Variants in NEMP2 observed in about 807,000 individuals in gnomAD.
NEMP2 encodes the protein nuclear envelope integral membrane protein 2.
NEMP2 carries 53 observed loss-of-function variants against 54.2 expected under a neutral mutation model. The observed-to-expected ratio is 0.98, with a 90% CI of 0.78 to 1.23. The LOEUF (loss-of-function observed/expected upper bound fraction) is 1.23, where lower values mean the gene tolerates loss of function less well. Among genes scored for constraint, NEMP2 ranks in the 50% most tolerant of loss-of-function variants. The pLI is 0.00. For synonymous variants in NEMP2, 197 were observed against 190.3 expected, an observed-to-expected ratio of 1.04 and a Z score of -0.29; for missense variants, 455 against 511.3, an observed-to-expected ratio of 0.89 and a Z score of 1.06.
At position 190,513,273 on chromosome 2, in the gene NEMP2, G is replaced by A. The variant is rs753529398; in HGVS notation, c.953+1180C>T. On this transcript the variant is annotated intron_variant, in intron 7 of 8. Transcript: ENST00000409150. This position sits in a 1 kb window ranked among gnomAD's most constrained non-coding sequence, Gnocchi z 5.3. ...AATCCTGAGATTTCACATTCTAATC[G>A]TAATTCCCATTTCCAATTTTTCTAG... Among the ~76,000 whole-genome samples, 1 of 151,984 alleles carries A rather than the reference G, an allele frequency of 6.6e-6. No individual in the cohort carries two copies. The highest frequency in any genetic ancestry group is 1.5e-5 in the Non-Finnish European group (1 of 68,004).
At chr2:190,629,545 C>A in the NEMP2 span, among the ~76,000 whole-genome samples, 3 of 151,992 alleles carry the variant, frequency 2.0e-5, no homozygotes, top group African/African-American at 4.8e-5. Flanking sequence ...TGGGACAATG[C>A]CCCCCAAAAC....
chr2:190,560,453 A>G, the NEMP2 span, among the ~76,000 whole-genome samples: 1 of 152,318 alleles, frequency 6.6e-6, no homozygotes, highest in East Asian at 1.9e-4. The surrounding 1 kb of genome is among the most constrained non-coding windows in gnomAD (Gnocchi z 5.4). Flanking sequence ...TTCTACTTGC[A>G]TGTTAGTCAT....
At chr2:190,473,111 G>A in the NEMP2 span, among the ~76,000 whole-genome samples, 47 of 152,166 alleles carry the variant, frequency 3.1e-4, no homozygotes, top group South Asian at 1.9e-3. Flanking sequence ...AGGAACAACC[G>A]GTACCAGCTA....
At chr2:190,498,066 CATTAT>C in the NEMP2 span, 1 of 196,536 alleles carries the variant, frequency 5.1e-6, no homozygotes, top group Admixed American at 5.3e-5. The surrounding 1 kb of genome is among the most constrained non-coding windows in gnomAD (Gnocchi z 5.9). Context: ...CTAGTGGGGG[CATTAT>C]ATTATAGGAC....
At chr2:190,476,200 A>C in the NEMP2 span, among the ~76,000 whole-genome samples, 1 of 152,200 alleles carries the variant, frequency 6.6e-6, no homozygotes, top group Non-Finnish European at 1.5e-5. Context: ...ACAAAAGCCA[A>C]AATTGACAAA....
At position 190,507,300 on chromosome 2, in the gene NEMP2, T is replaced by G. The variant is rs530453995; in HGVS notation, c.*1889A>C. 3 of 152,344 alleles carry G rather than the reference T, an allele frequency of 2.0e-5. No individual in the cohort carries two copies. The South Asian group carries it at 6.2e-4, about 32-fold the overall frequency. 9.4% of individuals were successfully genotyped at this position (152,344 alleles called of 1,614,324 possible). On this transcript the variant is annotated 3_prime_UTR_variant, in exon 9 of 9. Transcript: ENST00000409150. This position sits in a 1 kb window ranked among gnomAD's most constrained non-coding sequence, Gnocchi z 4.4. ...ATGGTTACACCTGGCTAGCTGCCCATGAAGAGCTGCTTCCTTCCCTCAGCA... is the reference window on the plus strand; with the variant it reads ...ATGGTTACACCTGGCTAGCTGCCCAGGAAGAGCTGCTTCCTTCCCTCAGCA...
In NEMP2 at chr2:190,509,716, G is replaced by T. The variant is rs1338447630; in HGVS notation, c.1131-404C>A. On this transcript the variant is annotated intron_variant, in intron 8 of 8. Coordinates refer to ENST00000409150, the MANE Select transcript of NEMP2 (RefSeq NM_001142645.2). This position sits in a 1 kb window ranked among gnomAD's most constrained non-coding sequence, Gnocchi z 6.1. ...AGAGAAAGCAATAAGGAAAAATTTT[G>T]GGACAGACGTCTTTCTTAGTGAACT... 6.6e-6 allele frequency among the ~76,000 whole-genome samples: 1 copy of T among 152,208 alleles called. No homozygotes were observed.
downstream of NEMP2, chr2:190,499,697 G>A: frequency 2.0e-6 from 2 of 976,966 alleles, no homozygotes; most frequent in Non-Finnish European, 2.8e-6. The surrounding 1 kb of genome is among the most constrained non-coding windows in gnomAD (Gnocchi z 6.0). Context: ...CTTGCCACAT[G>A]GCTTGGGGGG....
the NEMP2 span, chr2:190,624,502 A>G: frequency 6.6e-6 from 1 of 152,248 alleles, no homozygotes; most frequent in Non-Finnish European, 1.5e-5. Context: ...TGGAAGACGT[A>G]TCCACATTTT....
At chr2:190,576,366 C>T in the NEMP2 span, among the ~76,000 whole-genome samples, 1 of 152,082 alleles carries the variant, frequency 6.6e-6, no homozygotes, top group African/African-American at 2.4e-5. Context: ...TTATCTGAAC[C>T]GTATGGTTGG....
the NEMP2 span, among the ~76,000 whole-genome samples, chr2:190,454,753 G>A: frequency 6.6e-6 from 1 of 152,046 alleles, no homozygotes; most frequent in African/African-American, 2.4e-5. This position sits in a 1 kb window ranked among gnomAD's most constrained non-coding sequence, Gnocchi z 4.6. Context: ...TTAATAATGT[G>A]TCTAAATAGA....
chr2:190,549,965 A>G, the NEMP2 span, among the ~76,000 whole-genome samples: 5 of 152,230 alleles, frequency 3.3e-5, no homozygotes, highest in African/African-American at 1.2e-4. Context: ...GTCTACTGAT[A>G]AGTATACATA....
At chr2:190,540,350 C>G in the NEMP2 span, among the ~76,000 whole-genome samples, 1 of 151,634 alleles carries the variant, frequency 6.6e-6, no homozygotes, top group Non-Finnish European at 1.5e-5. Context: ...GTGGCACGAT[C>G]ATGGGTCACT....
rs1363746954 is a variant in NEMP2 at position 190,531,832 on chromosome 2, GAA to G, written c.97+2725_97+2726del. The stretch of plus-strand genomic sequence containing the variant: ...AAAAAAAACCTCAGTCAAAACATCA[GAA>G]AAGAGCAGGCAGTACTTAAACCTAC... On this transcript the variant is annotated intron_variant, in intron 1 of 8. Transcript: ENST00000409150. The surrounding 1 kb of genome is among the most constrained non-coding windows in gnomAD (Gnocchi z 4.7). 6.6e-6 allele frequency among the ~76,000 whole-genome samples: 1 copy of G among 151,888 alleles called. No individual in the cohort carries two copies. The highest frequency in any genetic ancestry group is 2.4e-5 in the African/African-American group (1 of 41,324).
At chr2:190,428,835 G>A in the NEMP2 span, among the ~76,000 whole-genome samples, 2 of 152,134 alleles carry the variant, frequency 1.3e-5, no homozygotes, top group Admixed American at 6.6e-5. Context: ...ACCATGCCTG[G>A]CTAATTTTTT....
At chr2:190,472,992 T>C in the NEMP2 span, among the ~76,000 whole-genome samples, 1 of 152,076 alleles carries the variant, frequency 6.6e-6, no homozygotes, top group African/African-American at 2.4e-5. Context: ...AACTAAGCTT[T>C]ATAAGTGAAG....
chr2:190,515,875 G>T (rs994036919), intron 6 of NEMP2, among the ~76,000 whole-genome samples: 6 of 152,132 alleles, frequency 3.9e-5, no homozygotes, highest in African/African-American at 1.2e-4. Context: ...TTATAGTTAG[G>T]ATTTCTCACC....
chr2:190,572,298 A>G, the NEMP2 span, among the ~76,000 whole-genome samples: 23,660 of 152,234 alleles, frequency 0.16, 1,937 homozygotes, highest in East Asian at 0.28. Context: ...TGTGACTTTC[A>G]TCTTTGGACC....
chr2:190,483,037 G>A, the NEMP2 span, among the ~76,000 whole-genome samples: 1,479 of 151,032 alleles, frequency 9.8e-3, 15 homozygotes, highest in South Asian at 0.06. Context: ...GACTACAGGC[G>A]CCTGCCACCG....
Sources: gnomAD v4.1 joint callset for allele counts (sites outside exome capture counted in the v4.1 genomes callset) on GRCh38, gnomAD v4.1.1 for gene constraint, Gnocchi (gnomAD v3.1) non-coding constraint, MANE v1.5 for transcripts, NCBI Gene and HGNC (gene_info 2026-07-23, HGNC 2026-07-21) for gene names.